Variants in DMD observed in about 807,000 individuals in gnomAD.
The protein encoded by DMD is mutant dystrophin.
A neutral mutation model predicts 330.1 loss-of-function variants in DMD; 63 were observed. That is an observed-to-expected ratio of 0.19 (90% confidence interval 0.16 to 0.24). The LOEUF is 0.24. DMD is among the 10% of genes least tolerant of loss of function. The pLI, the probability that DMD is intolerant of heterozygous loss-of-function variation, is 1.00. For missense variants in DMD, 3,344 were observed against 2,684.1 expected, an observed-to-expected ratio of 1.25 and a Z score of -5.43; for synonymous variants, 1,223 against 959.8, an observed-to-expected ratio of 1.27 and a Z score of -5.07.
At chrX:32,229,213 T>C (rs190881122) in intron 43 of DMD, among the ~76,000 whole-genome samples, 53 of 111,236 alleles carry the variant, frequency 4.8e-4, no homozygotes, top group African/African-American at 1.7e-3. Context: ...TATTGGATAG[T>C]TACACTCACG....
At chrX:33,049,437 A>G (rs1246904301) in intron 1 of DMD, among the ~76,000 whole-genome samples, 1 of 111,779 alleles carries the variant, frequency 8.9e-6, no homozygotes, top group Non-Finnish European at 1.9e-5. Context: ...AATGGCAGAA[A>G]TGCTTAGATT....
At chrX:32,491,627 T>C in intron 19 of DMD, 109 bp from the exon 20 acceptor site, 1 of 708,985 alleles carries the variant, frequency 1.4e-6, no homozygotes, top group Non-Finnish European at 2.1e-6. Context: ...ATGAATGATT[T>C]CAAACCAGAT....
intron 34 of DMD, among the ~76,000 whole-genome samples, chrX:32,373,533 A>ATT (rs2097888707): frequency 1.8e-5 from 2 of 112,024 alleles, no homozygotes; most frequent in Non-Finnish European, 3.8e-5. Flanking sequence ...ATACACTTCA[A>ATT]TAGTCTTATG....
intron 55 of DMD, among the ~76,000 whole-genome samples, chrX:31,623,497 C>T (rs1236399783): frequency 1.8e-5 from 2 of 111,101 alleles, no homozygotes; most frequent in East Asian, 2.8e-4. Context: ...CTCTTGACCT[C>T]GTGATCCGCC....
rs181055901 is a variant in DMD, at chrX:32,459,836, G to T, written c.3432+3603C>A. On this transcript the variant is annotated intron_variant, in intron 25 of 78. Coordinates refer to ENST00000357033, the MANE Select transcript of DMD (RefSeq NM_004006.3). ...ATAGGAATAATACTTCTGGGTAGAT[G>T]TAAGTGTGAAAGTCCTCATCAAAAA... Among the ~76,000 whole-genome samples, 154 of 111,194 alleles carry T rather than the reference G, an allele frequency of 1.4e-3. 1 individual carries two copies. Among genetic ancestry groups the T allele is most frequent in the African/African-American group, 4.9e-3 (151 of 30,754 alleles).
intron 30 of DMD, among the ~76,000 whole-genome samples, chrX:32,390,542 G>A (rs1337617548): frequency 8.9e-6 from 1 of 111,744 alleles, no homozygotes; most frequent in Non-Finnish European, 1.9e-5. Flanking sequence ...ATGTAGAATT[G>A]ATATGTTTTA....
At chrX:31,528,584 G>A (rs1395855943) in intron 55 of DMD, among the ~76,000 whole-genome samples, 1 of 112,400 alleles carries the variant, frequency 8.9e-6, no homozygotes, top group African/African-American at 3.2e-5. Flanking sequence ...ACAGCACTGA[G>A]CGCACTCGAG....
intron 2 of DMD, among the ~76,000 whole-genome samples, chrX:32,935,041 C>T (rs768559088): frequency 1.8e-5 from 2 of 113,078 alleles, no homozygotes; most frequent in South Asian, 3.6e-4. Context: ...CGCAGTGGCG[C>T]GATCTCGGCT....
intron 59 of DMD, among the ~76,000 whole-genome samples, chrX:31,451,432 G>A (rs992328820): frequency 6.5e-5 from 7 of 107,679 alleles, no homozygotes; most frequent in African/African-American, 1.7e-4. Flanking sequence ...ACAGGTGCCC[G>A]CCACCACGCC....
chrX:31,435,556 A>T (rs2064453069), intron 60 of DMD: 1 of 112,258 alleles, frequency 8.9e-6, no homozygotes. Flanking sequence ...ATTTACCTTT[A>T]AAAGTAGCAT....
At chrX:32,821,651 A>G (rs746484094) in intron 5 of DMD, among the ~76,000 whole-genome samples, 1 of 111,614 alleles carries the variant, frequency 9.0e-6, no homozygotes, top group Admixed American at 9.5e-5. Flanking sequence ...GAATGAAGCC[A>G]TGATATCTGC....
At chrX:31,385,684 A>C (rs1227555098) in intron 60 of DMD, among the ~76,000 whole-genome samples, 2 of 112,417 alleles carry the variant, frequency 1.8e-5, no homozygotes, top group African/African-American at 6.5e-5. Context: ...ATGAGGTACC[A>C]TCTCACACCA....
intron 38 of DMD, among the ~76,000 whole-genome samples, chrX:32,348,173 A>G (rs1900262991): frequency 9.0e-6 from 1 of 111,321 alleles, no homozygotes; most frequent in African/African-American, 3.3e-5. Flanking sequence ...GGTCAGGTCA[A>G]AAGAAAATTG....
chrX:32,733,310 A>T (rs1392319029), intron 7 of DMD, among the ~76,000 whole-genome samples: 1 of 110,152 alleles, frequency 9.1e-6, no homozygotes, highest in African/African-American at 3.4e-5. Context: ...ACACATTAAT[A>T]ATGGGAGACT....
intron 60 of DMD, among the ~76,000 whole-genome samples, chrX:31,365,957 C>G (rs2059207071): frequency 8.9e-6 from 1 of 112,236 alleles, no homozygotes; most frequent in African/African-American, 3.2e-5. Flanking sequence ...AATAAAAAAG[C>G]CAAACAACAG....
chrX:32,668,502 G>A (rs189927350), intron 9 of DMD, among the ~76,000 whole-genome samples: 2 of 111,768 alleles, frequency 1.8e-5, no homozygotes, highest in East Asian at 2.8e-4. Flanking sequence ...AGGTTCCTTC[G>A]CATCTCTGCA....
Position 32,573,734 on chromosome X carries a change from A to T in DMD, c.1704+11T>A. On this transcript the variant is annotated intron_variant, in intron 14 of 78. Coordinates refer to ENST00000357033, the MANE Select transcript of DMD (RefSeq NM_004006.3). Reference sequence around the variant, plus strand: ...GTGTCTTTTACAGCTAGTTTCTCACACATGACACACCTGTTCTTCAGTAAG... The same window carrying T: ...GTGTCTTTTACAGCTAGTTTCTCACTCATGACACACCTGTTCTTCAGTAAG... The T allele has an allele frequency of 1.7e-6, 2 of 1,207,925 alleles. No individual in the cohort carries two copies. The highest frequency in any genetic ancestry group is 2.2e-6 in the Non-Finnish European group (2 of 892,022).
At chrX:33,136,828 T>C (rs2148565016) in intron 1 of DMD, among the ~76,000 whole-genome samples, 1 of 110,884 alleles carries the variant, frequency 9.0e-6, no homozygotes, top group South Asian at 3.8e-4. Context: ...ATTTTTATTA[T>C]AGCAGCCCAA....
chrX:32,117,067 A>C (rs2096613864), intron 44 of DMD, among the ~76,000 whole-genome samples: 1 of 112,001 alleles, frequency 8.9e-6, no homozygotes. Flanking sequence ...TGGACACATC[A>C]ATAAATGGAT....
Sources: gnomAD v4.1 joint callset for allele counts (sites outside exome capture counted in the v4.1 genomes callset) on GRCh38, gnomAD v4.1.1 for gene constraint, MANE v1.5 for transcripts, NCBI Gene and HGNC (gene_info 2026-07-23, HGNC 2026-07-21) for gene names.